Variants in VPS13A observed in about 807,000 individuals in gnomAD.
The protein encoded by VPS13A is intermembrane lipid transfer protein VPS13A.
In VPS13A, 264 loss-of-function variants were observed where a neutral mutation model predicts 390.9. The ratio of observed to expected loss-of-function variants is 0.68; its 90% CI spans 0.61 to 0.75. VPS13A has a LOEUF of 0.75. Ranked by LOEUF, VPS13A falls within the 30% of genes least tolerant of loss-of-function variation. The pLI, the probability that VPS13A is intolerant of heterozygous loss-of-function variation, is 0.00. For missense variants in VPS13A, 3,409 were observed against 3,733.9 expected, an observed-to-expected ratio of 0.91 and a Z score of 2.27; for synonymous variants, 1,231 against 1,227.1, an observed-to-expected ratio of 1.00 and a Z score of -0.07.
chr9:77,386,183 A>T (rs1016746367), intron 68 of VPS13A, among the ~76,000 whole-genome samples: 1 of 152,202 alleles, frequency 6.6e-6, no homozygotes, highest in Admixed American at 6.5e-5. Context: ...CCAACTTTGT[A>T]TTTGTTGTGC....
intron 68 of VPS13A, among the ~76,000 whole-genome samples, chr9:77,397,834 TTC>T (rs1161070146): frequency 6.6e-6 from 1 of 152,200 alleles, no homozygotes; most frequent in Non-Finnish European, 1.5e-5. Context: ...TCCATTGTGT[TTC>T]TGTTTCTTTT....
At chr9:77,242,269 A>G (rs987261378) in intron 19 of VPS13A, among the ~76,000 whole-genome samples, 1 of 152,156 alleles carries the variant, frequency 6.6e-6, no homozygotes, top group Non-Finnish European at 1.5e-5. Context: ...CTTTCCTAAG[A>G]TAAAATAATT....
At chr9:77,292,687 A>C (rs1428431352) in intron 31 of VPS13A, among the ~76,000 whole-genome samples, 1 of 152,166 alleles carries the variant, frequency 6.6e-6, no homozygotes, top group Non-Finnish European at 1.5e-5. Flanking sequence ...TCTAGCATTT[A>C]GGAGAATTGA....
chr9:77,349,919 C>T (rs1276702763), intron 52 of VPS13A, among the ~76,000 whole-genome samples: 2 of 152,096 alleles, frequency 1.3e-5, no homozygotes, highest in Non-Finnish European at 2.9e-5. Flanking sequence ...GCTGGGATTA[C>T]AGGCATGAAC....
At chr9:77,358,091 G>C (rs990389350) in intron 56 of VPS13A, among the ~76,000 whole-genome samples, 1 of 151,440 alleles carries the variant, frequency 6.6e-6, no homozygotes, top group African/African-American at 2.4e-5. Flanking sequence ...GAGTAGCTGG[G>C]ATTACAGGTG....
intron 23 of VPS13A, among the ~76,000 whole-genome samples, chr9:77,267,731 A>T (rs1826118197): frequency 6.6e-6 from 1 of 152,194 alleles, no homozygotes; most frequent in Non-Finnish European, 1.5e-5. Context: ...AGAGCCAGCA[A>T]GCAGGAATGT....
At chr9:77,236,197 G>A (rs1423987395) in intron 17 of VPS13A, among the ~76,000 whole-genome samples, 1 of 152,160 alleles carries the variant, frequency 6.6e-6, no homozygotes, top group Non-Finnish European at 1.5e-5. Context: ...AACATCTGTA[G>A]TGAAGTTTTC....
Position 77,359,314 on chromosome 9 carries a change from A to C in VPS13A, c.8036-19A>C. The C allele has an allele frequency of 6.2e-7, 1 of 1,609,548 alleles. No homozygotes were observed. Among genetic ancestry groups the C allele is most frequent in the Non-Finnish European group, 8.5e-7 (1 of 1,176,174 alleles). On this transcript the variant is annotated intron_variant, in intron 57 of 71. Transcript: ENST00000360280. ...TGCTTAAAGCATCATGGGAGTAATT[A>C]TATTTATAACCTTTACAGCACCAAA... is the stretch of plus-strand genomic sequence containing the variant.
Position 77,319,668 on chromosome 9 carries a change from A to G in VPS13A, c.5410A>G (p.Ile1804Val), listed in dbSNP as rs763655115. 4.9e-5 allele frequency: 75 copies of G among 1,540,572 alleles called. No homozygotes were observed. The highest frequency in any genetic ancestry group is 6.6e-5 in the Non-Finnish European group (74 of 1,114,890). The change falls in exon 42 of 72, where the codon ATC becomes GTC. Residue 1804 changes from isoleucine (I) to valine (V), a missense_variant. Ile to Val is a conservative substitution (Grantham distance 29, BLOSUM62 3). Coordinates refer to ENST00000360280, the MANE Select transcript of VPS13A (RefSeq NM_033305.3). The part of the protein sequence containing the change: ...TEDFRPWNLG[I>V]KMKKKAKMAI... ...GGATTTTAGACCATGGAATCTTGGT[A>G]TCAAGGTATATCTATATATGTCTAT...
chr9:77,220,199 C>T, intron 11 of VPS13A, 78 bp from the exon 12 acceptor site: 1 of 1,503,888 alleles, frequency 6.6e-7, no homozygotes, highest in Non-Finnish European at 9.1e-7. Context: ...CCTAAAAAGT[C>T]AGTAATGTAA....
intron 33 of VPS13A, 25 bp from the exon 34 acceptor site, chr9:77,302,890 A>T: frequency 6.2e-7 from 1 of 1,604,832 alleles, no homozygotes; most frequent in Non-Finnish European, 8.5e-7. Context: ...GAAACAATTT[A>T]AAAGAATGTT....
intron 20 of VPS13A, among the ~76,000 whole-genome samples, chr9:77,248,470 G>A (rs753685554): frequency 1.3e-5 from 2 of 151,680 alleles, no homozygotes; most frequent in Non-Finnish European, 1.5e-5. Flanking sequence ...TGCCCACCTC[G>A]GCCTCCCAAA....
intron 67 of VPS13A, among the ~76,000 whole-genome samples, chr9:77,379,545 T>G (rs1414066823): frequency 7.2e-5 from 11 of 152,104 alleles, no homozygotes; most frequent in Admixed American, 6.5e-4. Context: ...CGGCCATTTT[T>G]GTATTTTTAG....
intron 68 of VPS13A, among the ~76,000 whole-genome samples, chr9:77,390,538 T>G (rs1309362822): frequency 6.6e-6 from 1 of 152,184 alleles, no homozygotes; most frequent in East Asian, 1.9e-4. Context: ...TTGAAATAAA[T>G]TATGTCTTCC....
rs986051506 is a variant in VPS13A at position 77,181,231 on chromosome 9, G to C, written c.100+3427G>C. Among the ~76,000 whole-genome samples, 3 of 151,638 alleles carry C rather than the reference G, an allele frequency of 2.0e-5. No individual in the cohort carries two copies. In the East Asian group the frequency reaches 5.8e-4, roughly 29 times the overall value. ...ACATTGTTTGAAAATTTCTGTAATAGAAACTAGGTGGCCAGGCATAGTGGC... is the reference window on the plus strand; with the variant it reads ...ACATTGTTTGAAAATTTCTGTAATACAAACTAGGTGGCCAGGCATAGTGGC... On this transcript the variant is annotated intron_variant, in intron 1 of 71. Coordinates refer to ENST00000360280, the MANE Select transcript of VPS13A (RefSeq NM_033305.3).
At chr9:77,356,240 G>A (rs1831772438) in intron 54 of VPS13A, among the ~76,000 whole-genome samples, 1 of 151,842 alleles carries the variant, frequency 6.6e-6, no homozygotes, top group Non-Finnish European at 1.5e-5. Flanking sequence ...TCCTCCTCTT[G>A]TCTGCTGGAT....
intron 44 of VPS13A, among the ~76,000 whole-genome samples, chr9:77,321,987 C>A (rs947452888): frequency 4.6e-5 from 7 of 151,878 alleles, no homozygotes; most frequent in Non-Finnish European, 8.8e-5. Flanking sequence ...TAGAGCATGG[C>A]AATTTACTGC....
intron 1 of VPS13A, 105 bp downstream of exon 1, chr9:77,177,909 G>A: frequency 9.4e-7 from 1 of 1,060,682 alleles, no homozygotes; most frequent in African/African-American, 1.6e-5. Flanking sequence ...CTTGCTCGCC[G>A]GGTGCAGCCA....
intron 71 of VPS13A, among the ~76,000 whole-genome samples, chr9:77,411,775 CA>C (rs541640793): frequency 6.8e-6 from 1 of 148,028 alleles, no homozygotes; most frequent in East Asian, 2.0e-4. Context: ...GAAATAGACA[CA>C]AAAAACCCTT....
Sources: allele counts gnomAD v4.1 joint callset (sites outside exome capture counted in the v4.1 genomes callset), GRCh38; gene constraint gnomAD v4.1.1; transcripts MANE v1.5; gene names NCBI Gene and HGNC (gene_info 2026-07-23, HGNC 2026-07-21).